Variants in CEP41 observed in about 807,000 individuals in gnomAD.
CEP41 encodes centrosomal protein 41.
Under a neutral mutation model 44.3 loss-of-function variants are expected in CEP41, and 32 were observed. The ratio of observed to expected loss-of-function variants is 0.72; its 90% CI spans 0.54 to 0.97. CEP41 has a LOEUF of 0.97. Among genes scored for constraint, CEP41 ranks in the 50% least tolerant of loss-of-function variants. The pLI, the probability that CEP41 is intolerant of heterozygous loss-of-function variation, is 0.00. For missense variants in CEP41, 432 were observed against 455.2 expected, an observed-to-expected ratio of 0.95 and a Z score of 0.46; for synonymous variants, 151 against 168.5, an observed-to-expected ratio of 0.90 and a Z score of 0.80.
intron 2 of CEP41, among the ~76,000 whole-genome samples, chr7:130,417,569 G>C (rs1380746704): frequency 6.6e-6 from 1 of 152,154 alleles, no homozygotes; most frequent in Admixed American, 6.5e-5. Context: ...AAACTGCAGA[G>C]AGGCCCCAGC....
intron 2 of CEP41, chr7:130,426,701 G>C (rs1554423622): frequency 2.2e-6 from 1 of 454,770 alleles, no homozygotes; most frequent in Non-Finnish European, 4.4e-6. Context: ...AGATGAAAGA[G>C]CTGAGGGTTT....
intron 6 of CEP41, 36 bp downstream of exon 6, chr7:130,404,528 C>G: frequency 6.3e-7 from 1 of 1,597,742 alleles, no homozygotes. Flanking sequence ...AATATAAAGG[C>G]AAAATGCAGT....
In CEP41 at chr7:130,399,043, A is replaced by G; in HGVS notation, c.974-4T>C. 1.2e-6 allele frequency: 2 copies of G among 1,613,810 alleles called. No homozygotes were observed. The highest frequency in any genetic ancestry group is 4.5e-5 in the East Asian group (2 of 44,882). On this transcript the variant is annotated splice_region_variant and splice_polypyrimidine_tract_variant and intron_variant, in intron 10 of 10. Transcript: ENST00000223208. ...GAGTTAGCTTGGTTCAGTCGGCCTG[A>G]AGGGAGCAAGAAAGAAGGAACAGAG...
Position 130,400,831 on chromosome 7 carries a change from A to G in CEP41, c.643-10T>C, listed in dbSNP as rs782209251. On this transcript the variant is annotated splice_polypyrimidine_tract_variant and intron_variant, in intron 8 of 10. Coordinates refer to ENST00000223208, the MANE Select transcript of CEP41 (RefSeq NM_018718.3). ...TGCCATGGGCATTTTTCTAAGAGTC[A>G]GATGAGTTAAGGTTCCAAGGCACTG... 1.9e-6 allele frequency: 3 copies of G among 1,564,232 alleles called. No individual in the cohort carries two copies. Among genetic ancestry groups the G allele is most frequent in the Non-Finnish European group, 2.6e-6 (3 of 1,138,078 alleles).
intron 4 of CEP41, among the ~76,000 whole-genome samples, chr7:130,411,485 A>G (rs1383926691): frequency 2.0e-5 from 3 of 152,260 alleles, no homozygotes; most frequent in African/African-American, 7.2e-5. Context: ...ACATCTGTAT[A>G]TATCGTGGTC....
In CEP41 at chr7:130,425,217, A is replaced by G. The variant is rs140663860; in HGVS notation, c.97+2738T>C. Among the ~76,000 whole-genome samples the G allele has an allele frequency of 6.1e-3, 848 of 139,928 alleles. 29 individuals are homozygous for G. The highest frequency in any genetic ancestry group is 0.056 in the Admixed American group (790 of 14,144). 91.8% of individuals were successfully genotyped at this position (139,928 alleles called of 152,430 possible). On this transcript the variant is annotated intron_variant, in intron 2 of 10. Coordinates refer to ENST00000223208, the MANE Select transcript of CEP41 (RefSeq NM_018718.3). ...ATCACTTGAGGCAGGAGTTTGAGACAAGCCTAGCCAACATGACAAAACCCA... is the reference window on the plus strand; with the variant it reads ...ATCACTTGAGGCAGGAGTTTGAGACGAGCCTAGCCAACATGACAAAACCCA...
Position 130,421,457 on chromosome 7 carries a change from G to A in CEP41, c.98-4491C>T, listed in dbSNP as rs552846044. On this transcript the variant is annotated intron_variant, in intron 2 of 10. Coordinates refer to ENST00000223208, the MANE Select transcript of CEP41 (RefSeq NM_018718.3). ...GTGATATGTGTGTATAGTGCTTTCT[G>A]GTTTATAAAAGCCTTTCACATATAT... 8 of 984,812 alleles carry A rather than the reference G, an allele frequency of 8.1e-6. No homozygotes were observed. The South Asian group carries it at 2.4e-4, about 29-fold the overall frequency. The allele number at this position is 984,812 out of a possible 1,614,324, so 61.0% of individuals were successfully genotyped here.
At chr7:130,434,064 G>A (rs531504629) in intron 1 of CEP41, among the ~76,000 whole-genome samples, 1 of 152,286 alleles carries the variant, frequency 6.6e-6, no homozygotes, top group South Asian at 2.1e-4. Flanking sequence ...AAGATGGGAA[G>A]AAGGAATGGA....
At chr7:130,440,754 G>T in intron 1 of CEP41, 180 bp downstream of exon 1, 1 of 707,384 alleles carries the variant, frequency 1.4e-6, no homozygotes, top group South Asian at 1.7e-5. Flanking sequence ...ACGGGGTCCT[G>T]AACGCTGCCC....
chr7:130,436,128 T>C (rs190070844), intron 1 of CEP41, among the ~76,000 whole-genome samples: 47 of 152,278 alleles, frequency 3.1e-4, no homozygotes, highest in African/African-American at 1.1e-3. Context: ...CACTCCAGCC[T>C]GGGTGATAGA....
intron 6 of CEP41, 87 bp from the exon 7 acceptor site, chr7:130,402,886 G>A (rs1796896770): frequency 3.7e-6 from 5 of 1,346,172 alleles, no homozygotes; most frequent in Admixed American, 3.4e-5. Flanking sequence ...AGTGAGGTGA[G>A]TGCTCAATGT....
chr7:130,440,721 G>A, intron 1 of CEP41: 1 of 622,920 alleles, frequency 1.6e-6, no homozygotes, highest in South Asian at 1.9e-5. Flanking sequence ...GCGTGCGTAC[G>A]CGGGGAGAGA....
At position 130,394,722 on chromosome 7, in the gene CEP41, C is replaced by G. The variant is rs1177311212; in HGVS notation, c.*4169G>C. On this transcript the variant is annotated 3_prime_UTR_variant, in exon 11 of 11. Transcript: ENST00000223208. ...ACTGAGTGGCCACCACAGTGGGCAT[C>G]ACATCCAAACTTCAATCTTGACAGG... The G allele has an allele frequency of 2.2e-6, 1 of 453,990 alleles. No individual in the cohort carries two copies. The highest frequency in any genetic ancestry group is 4.4e-6 in the Non-Finnish European group (1 of 226,798). 28.1% of individuals were successfully genotyped at this position (453,990 alleles called of 1,614,324 possible). A position where few individuals can be genotyped will look rare whatever the true frequency, so the allele number is the denominator to read the frequency against.
chr7:130,402,354 C>A lies in CEP41; in HGVS notation c.574+294G>T, dbSNP rs7787084. Among the ~76,000 whole-genome samples the A allele has an allele frequency of 0.52, 62,695 of 119,778 alleles. 15,438 individuals are homozygous for A. Among genetic ancestry groups the A allele is most frequent in the African/African-American group, 0.68 (23,800 of 35,044 alleles). 78.6% of individuals were successfully genotyped at this position (119,778 alleles called of 152,430 possible). A position where few individuals can be genotyped will look rare whatever the true frequency, so the allele number is the denominator to read the frequency against. ...GAGCAAGGTATTAACAAAAAAAAAA[C>A]AAAAAAAAAAATCAACAAGCCATAA... is the stretch of plus-strand genomic sequence containing the variant. On this transcript the variant is annotated intron_variant, in intron 7 of 10. Coordinates refer to ENST00000223208, the MANE Select transcript of CEP41 (RefSeq NM_018718.3).
chr7:130,438,659 T>C (rs1017656527), intron 1 of CEP41, among the ~76,000 whole-genome samples: 3 of 152,202 alleles, frequency 2.0e-5, no homozygotes, highest in Admixed American at 2.0e-4. Context: ...GCTACAGCCA[T>C]CTGCCTAAAA....
intron 1 of CEP41, among the ~76,000 whole-genome samples, chr7:130,430,640 GAAAC>G (rs1290198359): frequency 5.9e-5 from 9 of 152,136 alleles, no homozygotes; most frequent in Non-Finnish European, 1.0e-4. Context: ...ATGGCAAAAT[GAAAC>G]AAACAAACAA....
chr7:130,403,233 A>G (rs1554417414), intron 6 of CEP41, among the ~76,000 whole-genome samples: 1 of 152,232 alleles, frequency 6.6e-6, no homozygotes, highest in African/African-American at 2.4e-5. Flanking sequence ...ATAAAGTAAC[A>G]ATAATGCTTT....
chr7:130,422,433 A>G (rs1332071688), intron 2 of CEP41, among the ~76,000 whole-genome samples: 6 of 152,118 alleles, frequency 3.9e-5, no homozygotes, highest in Non-Finnish European at 8.8e-5. Context: ...TCACCTCATG[A>G]TACACATACA....
chr7:130,416,985 GT>G lies in CEP41; in HGVS notation c.98-20del. On this transcript the variant is annotated intron_variant, in intron 2 of 10. Coordinates refer to ENST00000223208, the MANE Select transcript of CEP41 (RefSeq NM_018718.3). ...CTGTTACCTAAAAAGAAAATAAGGG[GT>G]TTTAGATATACTTTAAATGGAAGCA... 1.3e-6 allele frequency: 2 copies of G among 1,531,180 alleles called. No individual in the cohort carries two copies. Among genetic ancestry groups the G allele is most frequent in the Non-Finnish European group, 1.8e-6 (2 of 1,105,102 alleles). 94.8% of individuals were successfully genotyped at this position (1,531,180 alleles called of 1,614,324 possible).
Sources: allele counts gnomAD v4.1 joint callset (sites outside exome capture counted in the v4.1 genomes callset), GRCh38; gene constraint gnomAD v4.1.1; transcripts MANE v1.5; gene names NCBI Gene and HGNC (gene_info 2026-07-23, HGNC 2026-07-21).